The following SEMA6D variants were observed in gnomAD, a reference collection of about 807,000 sequenced individuals.
SEMA6D encodes the protein semaphorin 6D.
A neutral mutation model predicts 106.6 loss-of-function variants in SEMA6D; 35 were observed. The observed-to-expected ratio is 0.33, with a 90% CI of 0.25 to 0.44. The LOEUF is 0.44. Ranked by LOEUF, SEMA6D falls within the 20% of genes least tolerant of loss-of-function variation. SEMA6D has a pLI of 1.00. For synonymous variants in SEMA6D, 499 were observed against 487.7 expected, an observed-to-expected ratio of 1.02 and a Z score of -0.31; for missense variants, 1,185 against 1,345.9, an observed-to-expected ratio of 0.88 and a Z score of 1.87.
intron 1 of SEMA6D, among the ~76,000 whole-genome samples, chr15:47,197,126 T>C (rs575739584): frequency 2.0e-5 from 3 of 152,320 alleles, no homozygotes; most frequent in African/African-American, 7.2e-5. Flanking sequence ...TTTTAGCTTC[T>C]TCTGTGGATT....
At chr15:47,591,237 C>T (rs1048294263) in intron 3 of SEMA6D, among the ~76,000 whole-genome samples, 1 of 152,152 alleles carries the variant, frequency 6.6e-6, no homozygotes, top group Non-Finnish European at 1.5e-5. Flanking sequence ...AGGGCACTAA[C>T]CCCATTCATG....
intron 1 of SEMA6D, among the ~76,000 whole-genome samples, chr15:47,306,758 T>G (rs753703182): frequency 1.3e-5 from 2 of 152,208 alleles, no homozygotes; most frequent in Non-Finnish European, 2.9e-5. Context: ...AAATAAACAA[T>G]GAGGTCAATC....
intron 3 of SEMA6D, among the ~76,000 whole-genome samples, chr15:47,474,582 A>G (rs1356848747): frequency 1.3e-5 from 2 of 152,196 alleles, no homozygotes; most frequent in Non-Finnish European, 1.5e-5. Flanking sequence ...TCAATGAAAT[A>G]CTCATATGTG....
At chr15:47,372,527 A>G (rs1301070732) in intron 1 of SEMA6D, among the ~76,000 whole-genome samples, 1 of 152,182 alleles carries the variant, frequency 6.6e-6, no homozygotes, top group African/African-American at 2.4e-5. Flanking sequence ...TATTTAGCTC[A>G]CCTTCCTGCC....
intron 2 of SEMA6D, among the ~76,000 whole-genome samples, chr15:47,430,401 G>A (rs969439031): frequency 1.3e-5 from 2 of 151,172 alleles, no homozygotes; most frequent in African/African-American, 2.4e-5. Context: ...CATCCAGGGA[G>A]TTTTTTTTTC....
chr15:47,620,098 A>G (rs1421897035), intron 4 of SEMA6D, among the ~76,000 whole-genome samples: 2 of 152,290 alleles, frequency 1.3e-5, no homozygotes, highest in Non-Finnish European at 2.9e-5. Context: ...ACATGGTTCT[A>G]GCAGGTCATA....
chr15:47,745,820 A>G (rs2081096811), intron 1 of SEMA6D, among the ~76,000 whole-genome samples: 2 of 152,330 alleles, frequency 1.3e-5, no homozygotes, highest in South Asian at 4.1e-4. Context: ...CTAACTTACC[A>G]TGGGCCACAT....
intron 1 of SEMA6D, among the ~76,000 whole-genome samples, chr15:47,407,413 A>C (rs2040627240): frequency 1.3e-5 from 2 of 150,424 alleles, no homozygotes; most frequent in African/African-American, 4.9e-5. Context: ...CAACAACAAA[A>C]AAAACAAAAA....
At chr15:47,488,020 C>G (rs1409607967) in intron 3 of SEMA6D, among the ~76,000 whole-genome samples, 4 of 152,110 alleles carry the variant, frequency 2.6e-5, no homozygotes, top group Admixed American at 2.6e-4. Context: ...TGAATTGAGG[C>G]CCACCTCCCT....
intron 1 of SEMA6D, chr15:47,241,101 A>G (rs1049462953): frequency 2.0e-5 from 3 of 152,210 alleles, no homozygotes; most frequent in Admixed American, 1.3e-4. Flanking sequence ...TAGAATGCAA[A>G]TGGCACTATT....
chr15:47,697,079 GA>G (rs991659284), intron 4 of SEMA6D, among the ~76,000 whole-genome samples: 2 of 152,010 alleles, frequency 1.3e-5, no homozygotes, highest in Non-Finnish European at 2.9e-5. Flanking sequence ...TTGAATAAGG[GA>G]AAAAATGTAT....
chr15:47,347,534 A>C (rs1239823175), intron 1 of SEMA6D, among the ~76,000 whole-genome samples: 6 of 152,244 alleles, frequency 3.9e-5, no homozygotes, highest in Non-Finnish European at 7.3e-5. Context: ...AGAGATATAT[A>C]AAAACCCACG....
chr15:47,659,682 G>A (rs1362304962), intron 4 of SEMA6D, among the ~76,000 whole-genome samples: 1 of 151,884 alleles, frequency 6.6e-6, no homozygotes. Context: ...CCATGACAAA[G>A]GTCTGATTTT....
At chr15:47,277,580 A>ATGTTATTAT (rs1555414587) in intron 1 of SEMA6D, among the ~76,000 whole-genome samples, 1 of 107,362 alleles carries the variant, frequency 9.3e-6, no homozygotes, top group East Asian at 2.4e-4. Context: ...TAAGGTATGT[A>ATGTTATTAT]TATTATTATT....
intron 3 of SEMA6D, chr15:47,581,498 C>T (rs1378453880): frequency 2.6e-6 from 1 of 389,746 alleles, no homozygotes; most frequent in African/African-American, 2.2e-5. Flanking sequence ...GGAGGCCTCT[C>T]TGAGGTCACA....
chr15:47,381,003 A>C (rs2039622298), intron 1 of SEMA6D, among the ~76,000 whole-genome samples: 1 of 152,254 alleles, frequency 6.6e-6, no homozygotes, highest in South Asian at 2.1e-4. Context: ...AGCTGCAATT[A>C]AAAAACAAGA....
intron 1 of SEMA6D, among the ~76,000 whole-genome samples, chr15:47,320,144 C>G (rs775842967): frequency 6.6e-6 from 1 of 152,144 alleles, no homozygotes; most frequent in Non-Finnish European, 1.5e-5. Context: ...CCAAAGCCCT[C>G]AAACTTTTTA....
At chr15:47,741,852 G>A (rs867638327) in intron 1 of SEMA6D, among the ~76,000 whole-genome samples, 14 of 152,294 alleles carry the variant, frequency 9.2e-5, no homozygotes, top group African/African-American at 2.9e-4. Context: ...TCCTGCCTTC[G>A]AGGAGCTCAC....
At chr15:47,357,491 G>T (rs2038632390) in intron 1 of SEMA6D, among the ~76,000 whole-genome samples, 1 of 152,176 alleles carries the variant, frequency 6.6e-6, no homozygotes, top group Non-Finnish European at 1.5e-5. Flanking sequence ...ACAATAGGTT[G>T]TCTGCAGGCT....
Sources: allele counts gnomAD v4.1 joint callset (sites outside exome capture counted in the v4.1 genomes callset), GRCh38; gene constraint gnomAD v4.1.1; transcripts MANE v1.5; gene names NCBI Gene and HGNC (gene_info 2026-07-23, HGNC 2026-07-21).